MGMT: variants seen among roughly 807,000 people sequenced by gnomAD.
MGMT encodes methylated-DNA--protein-cysteine methyltransferase.
MGMT carries 14 observed loss-of-function variants against 15.9 expected under a neutral mutation model. That is an observed-to-expected ratio of 0.88 (90% CI 0.58 to 1.37). The LOEUF is 1.37. MGMT is among the 40% of genes most tolerant of loss of function. The probability of loss-of-function intolerance (pLI) is 0.00; values close to 1 mark genes in which losing one functional copy is unlikely to be tolerated. For synonymous variants in MGMT, 130 were observed against 118.2 expected, an observed-to-expected ratio of 1.10 and a Z score of -0.65; for missense variants, 282 against 268.1, an observed-to-expected ratio of 1.05 and a Z score of -0.36.
At chr10:129,761,814 G>A (rs967955568) in intron 4 of MGMT, among the ~76,000 whole-genome samples, 34 of 152,290 alleles carry the variant, frequency 2.2e-4, no homozygotes, top group Admixed American at 8.5e-4. Context: ...GTGGCTTCTC[G>A]TGGCCTTTCT....
intron 3 of MGMT, among the ~76,000 whole-genome samples, chr10:129,735,252 T>G (rs1186667487): frequency 6.6e-6 from 1 of 152,234 alleles, no homozygotes; most frequent in Non-Finnish European, 1.5e-5. Flanking sequence ...GTTATTGGTC[T>G]ATTCAGAGAT....
chr10:129,640,680 C>G (rs917911723), intron 2 of MGMT, among the ~76,000 whole-genome samples: 6 of 152,126 alleles, frequency 3.9e-5, no homozygotes, highest in African/African-American at 1.4e-4. Flanking sequence ...AAAATACAGA[C>G]CAATATTCCT....
At chr10:129,677,684 G>A (rs958401109) in intron 2 of MGMT, among the ~76,000 whole-genome samples, 1 of 152,248 alleles carries the variant, frequency 6.6e-6, no homozygotes, top group African/African-American at 2.4e-5. Context: ...AGGGCGCACA[G>A]CCCAGCGAAG....
intron 2 of MGMT, among the ~76,000 whole-genome samples, chr10:129,666,282 G>A (rs1042832408): frequency 1.3e-5 from 2 of 152,086 alleles, no homozygotes; most frequent in African/African-American, 4.8e-5. Flanking sequence ...CAACTTTCAC[G>A]TTTTAAAAAT....
At chr10:129,728,098 T>A (rs900658727) in intron 3 of MGMT, among the ~76,000 whole-genome samples, 2 of 152,024 alleles carry the variant, frequency 1.3e-5, no homozygotes, top group Admixed American at 1.3e-4. Context: ...ACAGGACTCA[T>A]TGGACTGTCC....
chr10:129,609,963 C>T (rs1030872646), intron 2 of MGMT, among the ~76,000 whole-genome samples: 3 of 152,066 alleles, frequency 2.0e-5, no homozygotes, highest in African/African-American at 7.2e-5. Context: ...GACGTCTGTG[C>T]AGTTTGGATT....
intron 1 of MGMT, among the ~76,000 whole-genome samples, chr10:129,506,585 G>A (rs1055409086): frequency 3.9e-5 from 6 of 152,018 alleles, no homozygotes; most frequent in South Asian, 2.1e-4. Flanking sequence ...TGGCTGCCTC[G>A]ATGCTATTGT....
At chr10:129,572,125 G>GA (rs1031855114) in intron 2 of MGMT, among the ~76,000 whole-genome samples, 1 of 152,000 alleles carries the variant, frequency 6.6e-6, no homozygotes. Flanking sequence ...TTGCTTTAAA[G>GA]AAAAAAATGG....
At chr10:129,738,105 T>C (rs1371589114) in intron 3 of MGMT, among the ~76,000 whole-genome samples, 1 of 152,206 alleles carries the variant, frequency 6.6e-6, no homozygotes, top group African/African-American at 2.4e-5. Context: ...CCCGGCTGCG[T>C]TGTTAACCTA....
chr10:129,473,390 C>G (rs189342167), intron 1 of MGMT, among the ~76,000 whole-genome samples: 1 of 152,326 alleles, frequency 6.6e-6, no homozygotes, highest in Non-Finnish European at 1.5e-5. Flanking sequence ...CGCTTGTTGC[C>G]TTGTACAGAC....
At chr10:129,724,804 A>G (rs1287143992) in intron 3 of MGMT, among the ~76,000 whole-genome samples, 1 of 152,244 alleles carries the variant, frequency 6.6e-6, no homozygotes, top group Non-Finnish European at 1.5e-5. Context: ...GGGGTTTTTC[A>G]TAATATGTTG....
At chr10:129,607,619 A>G (rs1846907729) in intron 2 of MGMT, among the ~76,000 whole-genome samples, 1 of 152,160 alleles carries the variant, frequency 6.6e-6, no homozygotes, top group South Asian at 2.1e-4. Flanking sequence ...CACCCTTTTT[A>G]TATATATTAC....
chr10:129,604,917 G>T (rs1389483013), intron 2 of MGMT, among the ~76,000 whole-genome samples: 1 of 152,228 alleles, frequency 6.6e-6, no homozygotes, highest in Admixed American at 6.5e-5. Context: ...GAGAAAAGAA[G>T]TGAACGGAAT....
chr10:129,678,732 C>T (rs1847814099), intron 2 of MGMT, among the ~76,000 whole-genome samples: 1 of 152,078 alleles, frequency 6.6e-6, no homozygotes, highest in African/African-American at 2.4e-5. Context: ...TACGTGTGCA[C>T]CGGGTGTAGA....
Position 129,708,009 on chromosome 10 carries a change from C to G in MGMT, c.240C>G (p.Pro80=), listed in dbSNP as rs41548114. Residue 80 remains proline (P), a synonymous_variant, in exon 3 of 5, where the codon CCC becomes CCG. Coordinates refer to ENST00000651593, the MANE Select transcript of MGMT (RefSeq NM_002412.5). The stretch of plus-strand genomic sequence containing the variant: ...AGCCCGAGGCTATCGAAGAGTTCCC[C>G]GTGCCGGCTCTTCACCATCCCGTTT... The part of the protein sequence containing the change: ...FHQPEAIEEF[P]VPALHHPVFQ... 3.1e-6 allele frequency: 5 copies of G among 1,613,616 alleles called. No homozygotes were observed. The East Asian group carries it at 8.9e-5, about 29-fold the overall frequency.
At chr10:129,646,540 G>C (rs922261700) in intron 2 of MGMT, among the ~76,000 whole-genome samples, 3 of 151,478 alleles carry the variant, frequency 2.0e-5, no homozygotes, top group African/African-American at 7.3e-5. Context: ...TTGGAAAATT[G>C]GTTAGTGTCG....
At chr10:129,664,731 C>T (rs1222780968) in intron 2 of MGMT, among the ~76,000 whole-genome samples, 1 of 152,118 alleles carries the variant, frequency 6.6e-6, no homozygotes, top group African/African-American at 2.4e-5. Flanking sequence ...AGGAAGAATA[C>T]AAAATGAGCC....
chr10:129,647,724 G>A (rs1847413196), intron 2 of MGMT, among the ~76,000 whole-genome samples: 1 of 152,174 alleles, frequency 6.6e-6, no homozygotes. Context: ...AAATACAAGT[G>A]TCTTTGGGTG....
chr10:129,732,722 A>G (rs1485746611), intron 3 of MGMT, among the ~76,000 whole-genome samples: 7 of 101,946 alleles, frequency 6.9e-5, no homozygotes, highest in East Asian at 3.4e-4. Flanking sequence ...CCCACCCCAC[A>G]ACAGTCCCCA....
Sources: allele counts gnomAD v4.1 joint callset (sites outside exome capture counted in the v4.1 genomes callset), GRCh38; gene constraint gnomAD v4.1.1; transcripts MANE v1.5; gene names NCBI Gene and HGNC (gene_info 2026-07-23, HGNC 2026-07-21).